The following CDH18 variants were observed in gnomAD, a reference collection of about 807,000 sequenced individuals.
CDH18 encodes the protein cadherin-18.
CDH18 carries 31 observed loss-of-function variants against 67.9 expected under a neutral mutation model. The observed-to-expected ratio is 0.46, with a 90% CI of 0.34 to 0.62. The LOEUF (loss-of-function observed/expected upper bound fraction) is 0.62, where lower values mean the gene tolerates loss of function less well. CDH18 is among the 20% of genes least tolerant of loss of function. The pLI is 0.01. For missense variants in CDH18, 890 were observed against 975.5 expected (o/e 0.91, Z 1.17); for synonymous variants, 362 against 347.2 (o/e 1.04, Z -0.48).
intron 1 of CDH18, among the ~76,000 whole-genome samples, chr5:20,525,675 C>A (rs944064942): frequency 7.2e-5 from 11 of 152,092 alleles, no homozygotes; most frequent in African/African-American, 2.4e-4. Flanking sequence ...AATTATCACT[C>A]CAACTAATCT....
chr5:20,425,378 T>A (rs1164588052), intron 1 of CDH18, among the ~76,000 whole-genome samples: 1 of 144,656 alleles, frequency 6.9e-6, no homozygotes, highest in African/African-American at 2.6e-5. Flanking sequence ...CTCAAAAAAA[T>A]AAATAAAAAT....
chr5:20,471,337 A>G (rs1344655071), intron 1 of CDH18, among the ~76,000 whole-genome samples: 2 of 152,118 alleles, frequency 1.3e-5, no homozygotes, highest in South Asian at 2.1e-4. Flanking sequence ...GAGTTATTGC[A>G]GTAGCTTCTA....
intron 8 of CDH18, among the ~76,000 whole-genome samples, chr5:19,562,326 G>T (rs923014286): frequency 1.3e-5 from 2 of 151,926 alleles, no homozygotes; most frequent in Non-Finnish European, 2.9e-5. Flanking sequence ...TTTGCCAAAA[G>T]GCCTTATCAT....
At chr5:19,980,986 C>T (rs561910919) in intron 2 of CDH18, 74 bp downstream of exon 2, 1 of 152,270 alleles carries the variant, frequency 6.6e-6, no homozygotes, top group South Asian at 2.1e-4. Flanking sequence ...ACATCACTTT[C>T]CCCCATCAGA....
chr5:19,755,435 A>ATGTG (rs1400634989), intron 3 of CDH18, among the ~76,000 whole-genome samples: 1 of 9,410 alleles, frequency 1.1e-4, no homozygotes, highest in African/African-American at 1.2e-4. Context: ...GGGTATGTAT[A>ATGTG]TATATATATA....
chr5:19,775,878 T>C (rs1343763394), intron 3 of CDH18, among the ~76,000 whole-genome samples: 1 of 152,164 alleles, frequency 6.6e-6, no homozygotes, highest in African/African-American at 2.4e-5. Context: ...TGAGAACTCA[T>C]AAGCTAGAGT....
At chr5:19,649,176 C>T (rs1755217070) in intron 5 of CDH18, among the ~76,000 whole-genome samples, 1 of 152,216 alleles carries the variant, frequency 6.6e-6, no homozygotes, top group Admixed American at 6.5e-5. Context: ...GATATCCATA[C>T]AGAAATGCCT....
intron 3 of CDH18, among the ~76,000 whole-genome samples, chr5:19,814,074 ATAAAT>A (rs1283853806): frequency 6.6e-6 from 1 of 152,012 alleles, no homozygotes; most frequent in Non-Finnish European, 1.5e-5. Flanking sequence ...TTTAAAAAAA[ATAAAT>A]TTAATATGGG....
At chr5:20,524,650 C>T (rs1279055416) in intron 1 of CDH18, among the ~76,000 whole-genome samples, 3 of 151,994 alleles carry the variant, frequency 2.0e-5, no homozygotes, top group Admixed American at 6.6e-5. Context: ...AAAACAAAAG[C>T]GGATCAAAAC....
chr5:20,192,012 C>T (rs557664555), intron 2 of CDH18, among the ~76,000 whole-genome samples: 5 of 152,220 alleles, frequency 3.3e-5, no homozygotes, highest in African/African-American at 1.2e-4. Flanking sequence ...ACAGCCTCAT[C>T]AGCACCTATG....
At chr5:19,508,085 A>G (rs1375560617) in intron 10 of CDH18, among the ~76,000 whole-genome samples, 1 of 151,626 alleles carries the variant, frequency 6.6e-6, no homozygotes, top group African/African-American at 2.4e-5. Flanking sequence ...AAAAACGAGA[A>G]TGTCAGTCTG....
chr5:19,519,812 C>T (rs111725189), intron 10 of CDH18, among the ~76,000 whole-genome samples: 33 of 152,062 alleles, frequency 2.2e-4, no homozygotes, highest in African/African-American at 7.5e-4. Flanking sequence ...TTGACTTTCT[C>T]GGGTCTGTAT....
chr5:20,174,214 T>C (rs1737056865), intron 2 of CDH18, among the ~76,000 whole-genome samples: 1 of 152,198 alleles, frequency 6.6e-6, no homozygotes, highest in African/African-American at 2.4e-5. Context: ...TCAAGAATAA[T>C]TTATTAAGTG....
At chr5:20,369,051 T>TTTC (rs200972164) in intron 1 of CDH18, among the ~76,000 whole-genome samples, 6 of 152,138 alleles carry the variant, frequency 3.9e-5, no homozygotes, top group Admixed American at 6.6e-5. Flanking sequence ...AATAAATCTT[T>TTTC]TTCTTCTTCT....
In CDH18 at chr5:19,473,049, C is replaced by G; in HGVS notation, c.*177G>C. 5.0e-5 allele frequency: 15 copies of G among 297,456 alleles called. No homozygotes were observed. The highest frequency in any genetic ancestry group is 5.2e-5 in the Non-Finnish European group (9 of 172,694). 18.4% of individuals were successfully genotyped at this position (297,456 alleles called of 1,614,324 possible). On this transcript the variant is annotated 3_prime_UTR_variant, in exon 13 of 13. Transcript: ENST00000382275. ...TATTGTCTTTTTTTTTTTTTTTTTA[C>G]TTTCTTCCAATTAAATAACCCAGTT...
intron 2 of CDH18, among the ~76,000 whole-genome samples, chr5:19,876,001 A>G (rs1786948577): frequency 6.6e-6 from 1 of 152,112 alleles, no homozygotes; most frequent in African/African-American, 2.4e-5. Flanking sequence ...AATTAAGGCA[A>G]CAATAGGCTG....
intron 1 of CDH18, among the ~76,000 whole-genome samples, chr5:20,412,057 A>G (rs1189299286): frequency 1.3e-5 from 2 of 152,178 alleles, no homozygotes; most frequent in Admixed American, 6.5e-5. Flanking sequence ...TGGTATCAAA[A>G]AACAGCCTCA....
At chr5:19,660,534 TAC>T (rs1301928885) in intron 5 of CDH18, among the ~76,000 whole-genome samples, 1 of 152,172 alleles carries the variant, frequency 6.6e-6, no homozygotes, top group African/African-American at 2.4e-5. Flanking sequence ...GTATATTATT[TAC>T]AGTTTCTTTT....
At chr5:20,029,681 C>T (rs181572647) in intron 2 of CDH18, among the ~76,000 whole-genome samples, 24 of 152,240 alleles carry the variant, frequency 1.6e-4, no homozygotes, top group Non-Finnish European at 2.6e-4. Flanking sequence ...ATTTTAAAGT[C>T]TTATTATTTG....
Sources: gnomAD v4.1 joint callset for allele counts (sites outside exome capture counted in the v4.1 genomes callset) on GRCh38, gnomAD v4.1.1 for gene constraint, MANE v1.5 for transcripts, NCBI Gene and HGNC (gene_info 2026-07-23, HGNC 2026-07-21) for gene names.